Variants in ARRB1 observed in about 807,000 individuals in gnomAD.
ARRB1 encodes arrestin beta 1, also known as beta-arrestin-1.
Under a neutral mutation model 56.8 loss-of-function variants are expected in ARRB1, and 21 were observed. The ratio of observed to expected loss-of-function variants is 0.37; its 90% confidence interval spans 0.26 to 0.53. The LOEUF is 0.53. Ranked by LOEUF, ARRB1 falls within the 20% of genes least tolerant of loss-of-function variation. The pLI is 0.88. For missense variants in ARRB1, 424 were observed against 553.7 expected (o/e 0.77, Z 2.35); for synonymous variants, 210 against 218.6 (o/e 0.96, Z 0.35).
At chr11:75,305,661 T>G (rs941281536) in intron 1 of ARRB1, among the ~76,000 whole-genome samples, 1 of 152,172 alleles carries the variant, frequency 6.6e-6, no homozygotes, top group Non-Finnish European at 1.5e-5. Context: ...GCTTGATGAA[T>G]CCTTCCCAGT....
intron 1 of ARRB1, among the ~76,000 whole-genome samples, chr11:75,338,089 T>TG (rs1947636746): frequency 1.3e-5 from 2 of 152,130 alleles, no homozygotes; most frequent in South Asian, 2.1e-4. Context: ...AGCCAGGTTG[T>TG]TAGCAGTGTG....
rs1327972752 is a variant in ARRB1 at position 75,263,902 on chromosome 11, GGAA to G, written c.*2258_*2260del. ...TTTCCATGCATGAGTTAGGGATAGG[GGAA>G]GAAGTCTGCAGGAAAGAGGTCATCC... On this transcript the variant is annotated 3_prime_UTR_variant, in exon 16 of 16. Transcript: ENST00000420843. Among the ~76,000 whole-genome samples, 1 of 152,216 alleles carries G rather than the reference GGAA, an allele frequency of 6.6e-6. No individual in the cohort carries two copies. Among genetic ancestry groups the G allele is most frequent in the Non-Finnish European group, 1.5e-5 (1 of 68,040 alleles).
intron 1 of ARRB1, among the ~76,000 whole-genome samples, chr11:75,323,234 C>A (rs1947376625): frequency 6.6e-6 from 1 of 152,188 alleles, no homozygotes; most frequent in Non-Finnish European, 1.5e-5. Context: ...AACCACAGTC[C>A]ATAACAAAAT....
intron 1 of ARRB1, among the ~76,000 whole-genome samples, chr11:75,326,512 G>A (rs1292980616): frequency 1.3e-5 from 2 of 151,926 alleles, no homozygotes; most frequent in African/African-American, 2.4e-5. Flanking sequence ...GAAACAGAGA[G>A]AGGTTAAATA....
chr11:75,329,587 G>A (rs888138907), intron 1 of ARRB1, among the ~76,000 whole-genome samples: 1 of 152,090 alleles, frequency 6.6e-6, no homozygotes, highest in African/African-American at 2.4e-5. Flanking sequence ...ACCACTACGC[G>A]GACCACTGCC....
intron 4 of ARRB1, 91 bp from the exon 5 acceptor site, chr11:75,283,574 C>T (rs1485580362): frequency 1.6e-6 from 2 of 1,284,762 alleles, no homozygotes; most frequent in African/African-American, 1.5e-5. Flanking sequence ...ACGGGCCCCA[C>T]TGGAGGCCCC....
intron 1 of ARRB1, among the ~76,000 whole-genome samples, chr11:75,340,458 G>C (rs1947677182): frequency 1.3e-5 from 2 of 152,272 alleles, no homozygotes; most frequent in Non-Finnish European, 2.9e-5. Context: ...GGGAAACAGG[G>C]AGGAAAGGAG....
At chr11:75,288,238 A>G (rs1565118140) in intron 2 of ARRB1, among the ~76,000 whole-genome samples, 1 of 152,222 alleles carries the variant, frequency 6.6e-6, no homozygotes, top group African/African-American at 2.4e-5. Flanking sequence ...ATAGATATAC[A>G]TTGTGGAAAG....
At chr11:75,319,333 AC>A (rs1254107335) in intron 1 of ARRB1, among the ~76,000 whole-genome samples, 3 of 152,280 alleles carry the variant, frequency 2.0e-5, no homozygotes, top group South Asian at 4.1e-4. Flanking sequence ...GAGACCCGGG[AC>A]CAGGTGAGGG....
At chr11:75,328,236 G>A (rs1322662209) in intron 1 of ARRB1, among the ~76,000 whole-genome samples, 1 of 152,146 alleles carries the variant, frequency 6.6e-6, no homozygotes, top group East Asian at 1.9e-4. Context: ...TTTCACGTAA[G>A]GTTTGCAAGG....
chr11:75,276,774 C>CA, intron 10 of ARRB1, 65 bp downstream of exon 10: 1 of 1,545,826 alleles, frequency 6.5e-7, no homozygotes, highest in Non-Finnish European at 8.9e-7. Context: ...TGTAACAGGA[C>CA]ACCTAGAGCT....
chr11:75,293,084 G>A lies in ARRB1; in HGVS notation c.21-3045C>T, dbSNP rs74387284. ...GAGAGGGGCAAGGGGCACAGTGAGG[G>A]TGGCCAGGGTAGGAAGTGTGGCCAG... On this transcript the variant is annotated intron_variant, in intron 1 of 15. Coordinates refer to ENST00000420843, the MANE Select transcript of ARRB1 (RefSeq NM_004041.5). 4.4e-3 allele frequency among the ~76,000 whole-genome samples: 666 copies of A among 152,144 alleles called. 5 individuals carry two copies. Among genetic ancestry groups the A allele is most frequent in the African/African-American group, 0.015 (628 of 41,526 alleles).
intron 13 of ARRB1, 190 bp downstream of exon 13, chr11:75,271,511 G>A: frequency 5.2e-6 from 3 of 574,386 alleles, no homozygotes; most frequent in Non-Finnish European, 6.1e-6. Flanking sequence ...TGTCACTCAG[G>A]TGGGATGGAA....
intron 1 of ARRB1, among the ~76,000 whole-genome samples, chr11:75,315,451 T>C (rs1230125226): frequency 1.3e-5 from 2 of 152,078 alleles, no homozygotes; most frequent in African/African-American, 4.8e-5. Flanking sequence ...GGGTAACATC[T>C]TGCACCCCAA....
intron 1 of ARRB1, among the ~76,000 whole-genome samples, chr11:75,303,415 T>C (rs1946950289): frequency 6.6e-6 from 1 of 152,174 alleles, no homozygotes. Context: ...CTTCCCATCC[T>C]TCACACAGTC....
At chr11:75,280,844 G>A (rs1946317624) in intron 7 of ARRB1, among the ~76,000 whole-genome samples, 1 of 152,208 alleles carries the variant, frequency 6.6e-6, no homozygotes, top group Non-Finnish European at 1.5e-5. Flanking sequence ...GGAGGAAGCT[G>A]CCACAATGGT....
intron 6 of ARRB1, 38 bp downstream of exon 6, chr11:75,281,924 C>T (rs958469895): frequency 6.2e-7 from 1 of 1,606,360 alleles, no homozygotes; most frequent in Non-Finnish European, 8.5e-7. Context: ...ACATGAGACT[C>T]CTGGAGCCAG....
intron 1 of ARRB1, among the ~76,000 whole-genome samples, chr11:75,343,033 C>A (rs1403859738): frequency 2.0e-5 from 3 of 152,202 alleles, no homozygotes; most frequent in African/African-American, 7.2e-5. Context: ...TAGAGTATCT[C>A]CTCCCAGCGA....
intron 1 of ARRB1, among the ~76,000 whole-genome samples, chr11:75,318,492 C>T (rs1262276822): frequency 6.6e-6 from 1 of 152,094 alleles, no homozygotes; most frequent in Non-Finnish European, 1.5e-5. Flanking sequence ...GAGTTCGAGA[C>T]CAGCCTGGCC....
Sources: gnomAD v4.1 joint callset for allele counts (sites outside exome capture counted in the v4.1 genomes callset) on GRCh38, gnomAD v4.1.1 for gene constraint, MANE v1.5 for transcripts, NCBI Gene and HGNC (gene_info 2026-07-23, HGNC 2026-07-21) for gene names.